IQCB1: variants seen among roughly 807,000 people sequenced by gnomAD.
IQCB1 encodes the protein IQ calmodulin-binding motif-containing protein 1.
In IQCB1, 56 loss-of-function variants were observed where a neutral mutation model predicts 84.4. That is an observed-to-expected ratio of 0.66 (90% CI 0.54 to 0.83). The LOEUF (loss-of-function observed/expected upper bound fraction) is 0.83, where lower values mean the gene tolerates loss of function less well. IQCB1 is among the 40% of genes least tolerant of loss of function. The pLI, the probability that IQCB1 is intolerant of heterozygous loss-of-function variation, is 0.00. For missense variants in IQCB1, 629 were observed against 682.1 expected, an observed-to-expected ratio of 0.92 and a Z score of 0.87; for synonymous variants, 210 against 234.8, an observed-to-expected ratio of 0.89 and a Z score of 0.96.
chr3:121,799,761 T>A (rs146630876), intron 7 of IQCB1, among the ~76,000 whole-genome samples: 1 of 152,020 alleles, frequency 6.6e-6, no homozygotes, highest in Non-Finnish European at 1.5e-5. Context: ...TTTTAAATGA[T>A]GTACAAAGAC....
chr3:121,832,967 G>C (rs955307558), intron 2 of IQCB1, among the ~76,000 whole-genome samples: 2 of 151,972 alleles, frequency 1.3e-5, no homozygotes, highest in African/African-American at 4.8e-5. Context: ...ACATACACAG[G>C]GTATCTTTTT....
At chr3:121,781,017 A>G (rs1270713810) in intron 13 of IQCB1, among the ~76,000 whole-genome samples, 1 of 152,252 alleles carries the variant, frequency 6.6e-6, no homozygotes, top group East Asian at 1.9e-4. Context: ...TGAAATGTAT[A>G]AACTGCTAAC....
chr3:121,771,913 C>T (rs372903229), intron 14 of IQCB1, among the ~76,000 whole-genome samples: 38 of 152,142 alleles, frequency 2.5e-4, no homozygotes, highest in African/African-American at 8.4e-4. Context: ...CGGTGGCTCA[C>T]GCCTATAATC....
intron 6 of IQCB1, 107 bp downstream of exon 6, chr3:121,808,809 T>C: frequency 1.5e-6 from 1 of 676,916 alleles, no homozygotes; most frequent in Non-Finnish European, 2.7e-6. Flanking sequence ...CATTTCAGTG[T>C]GGTTATCTGC....
chr3:121,791,194 TTC>T (rs1948954510), intron 10 of IQCB1, among the ~76,000 whole-genome samples: 1 of 152,236 alleles, frequency 6.6e-6, no homozygotes, highest in Non-Finnish European at 1.5e-5. Context: ...CAAGAACATT[TTC>T]TCTTAGATCT....
At chr3:121,804,688 T>A (rs947992535) in intron 7 of IQCB1, among the ~76,000 whole-genome samples, 2 of 152,180 alleles carry the variant, frequency 1.3e-5, no homozygotes, top group African/African-American at 4.8e-5. Flanking sequence ...TGTGCCTCAA[T>A]GTGGAATTTT....
At chr3:121,826,226 A>C in intron 4 of IQCB1, 46 bp from the exon 5 acceptor site, 1 of 1,596,070 alleles carries the variant, frequency 6.3e-7, no homozygotes, top group Middle Eastern at 1.7e-4. Flanking sequence ...TTTATGTTGA[A>C]TGCTCAAGCT....
chr3:121,812,726 G>A (rs368265785), intron 5 of IQCB1, among the ~76,000 whole-genome samples: 1 of 152,114 alleles, frequency 6.6e-6, no homozygotes, highest in Non-Finnish European at 1.5e-5. Flanking sequence ...AGAGAAAGAA[G>A]AATGAAAAGA....
chr3:121,814,631 CCT>C (rs1949977250), intron 5 of IQCB1, among the ~76,000 whole-genome samples: 2 of 152,128 alleles, frequency 1.3e-5, no homozygotes, highest in Non-Finnish European at 2.9e-5. Context: ...ACTATAAACA[CCT>C]CTACACAAAT....
At chr3:121,800,799 G>C (rs1403385607) in intron 7 of IQCB1, among the ~76,000 whole-genome samples, 1 of 101,624 alleles carries the variant, frequency 9.8e-6, no homozygotes, top group Admixed American at 1.0e-4. Context: ...TTATCTCTCT[G>C]CTTCTCTTCT....
chr3:121,788,151 C>CAAAAGAA (rs1948810810), intron 12 of IQCB1, 133 bp downstream of exon 12: 2 of 894,868 alleles, frequency 2.2e-6, no homozygotes, highest in Non-Finnish European at 3.6e-6. Context: ...TTTTCTTTTA[C>CAAAAGAA]AAAAGAAAAA....
intron 12 of IQCB1, among the ~76,000 whole-genome samples, chr3:121,787,902 T>C (rs1049814938): frequency 6.6e-6 from 1 of 152,160 alleles, no homozygotes; most frequent in African/African-American, 2.4e-5. Flanking sequence ...TAAATTAGGG[T>C]ATCTGATCCA....
chr3:121,776,384 T>G (rs1948228659), intron 13 of IQCB1, among the ~76,000 whole-genome samples: 1 of 152,226 alleles, frequency 6.6e-6, no homozygotes, highest in Non-Finnish European at 1.5e-5. Flanking sequence ...GTAGAATGGC[T>G]GAATCATATG....
intron 12 of IQCB1, among the ~76,000 whole-genome samples, chr3:121,786,849 T>C (rs1205035606): frequency 6.6e-6 from 1 of 152,176 alleles, no homozygotes; most frequent in Non-Finnish European, 1.5e-5. Context: ...ATTGGGGTCA[T>C]CTAAATCAGG....
intron 10 of IQCB1, among the ~76,000 whole-genome samples, chr3:121,791,458 AATTT>A (rs752706537): frequency 4.6e-5 from 7 of 152,150 alleles, no homozygotes; most frequent in Non-Finnish European, 1.0e-4. Context: ...CAGAGTAGAG[AATTT>A]ATTTGTTTTG....
At chr3:121,776,067 A>C (rs918760281) in intron 13 of IQCB1, among the ~76,000 whole-genome samples, 1 of 151,758 alleles carries the variant, frequency 6.6e-6, no homozygotes, top group Admixed American at 6.6e-5. Flanking sequence ...TTTCTTTAAA[A>C]ATTTTTTTTG....
intron 2 of IQCB1, among the ~76,000 whole-genome samples, 171 bp from the exon 3 acceptor site, chr3:121,829,143 A>G (rs149224904): frequency 2.3e-4 from 35 of 152,346 alleles, no homozygotes; most frequent in African/African-American, 8.4e-4. Flanking sequence ...TGGTTTTTCT[A>G]ACCAGTGTAA....
intron 5 of IQCB1, among the ~76,000 whole-genome samples, chr3:121,824,228 A>C (rs1156704907): frequency 1.3e-5 from 2 of 152,092 alleles, no homozygotes; most frequent in Admixed American, 6.6e-5. Flanking sequence ...AACCCTATAT[A>C]TACTTTTTTT....
chr3:121,814,130 C>T (rs891191040), intron 5 of IQCB1, among the ~76,000 whole-genome samples: 3 of 152,162 alleles, frequency 2.0e-5, no homozygotes, highest in Non-Finnish European at 4.4e-5. Context: ...CTCAAAACCA[C>T]ACAATTACAT....
Sources: allele counts gnomAD v4.1 joint callset (sites outside exome capture counted in the v4.1 genomes callset), GRCh38; gene constraint gnomAD v4.1.1; transcripts MANE v1.5; gene names NCBI Gene and HGNC (gene_info 2026-07-23, HGNC 2026-07-21).